Variants in DHRSX observed in about 807,000 individuals in gnomAD.
DHRSX encodes dehydrogenase/reductase X-linked, also known as polyprenol dehydrogenase.
A neutral mutation model predicts 34.0 loss-of-function variants in DHRSX; 31 were observed. The observed-to-expected ratio is 0.91, with a 90% confidence interval of 0.69 to 1.23. The LOEUF (loss-of-function observed/expected upper bound fraction) is 1.23. DHRSX is among the 50% of genes most tolerant of loss of function. The pLI is 0.00. For synonymous variants in DHRSX, 201 were observed against 183.8 expected (o/e 1.09, Z -0.76); for missense variants, 414 against 428.1 (o/e 0.97, Z 0.29).
intron 6 of DHRSX, among the ~76,000 whole-genome samples, chrX:2,235,419 C>G (rs1414027850): frequency 6.7e-6 from 1 of 149,598 alleles, no homozygotes; most frequent in Admixed American, 6.7e-5. Flanking sequence ...ACCTGTACTC[C>G]TTAAATTTAT....
At chrX:2,240,891 C>CT (rs199824301) in intron 6 of DHRSX, among the ~76,000 whole-genome samples, 1,740 of 152,098 alleles carry the variant, frequency 0.011, 33 homozygotes, top group African/African-American at 0.04. Flanking sequence ...TTCAAAAGAC[C>CT]TCAAGGAGGA....
intron 1 of DHRSX, among the ~76,000 whole-genome samples, chrX:2,452,605 C>T (rs1457468589): frequency 6.6e-6 from 1 of 151,800 alleles, no homozygotes; most frequent in Non-Finnish European, 1.5e-5. Context: ...GCCAATGGAC[C>T]GCACTGATGA....
At chrX:2,304,128 G>A (rs866915048) in intron 3 of DHRSX, among the ~76,000 whole-genome samples, 2 of 125,772 alleles carry the variant, frequency 1.6e-5, no homozygotes, top group African/African-American at 2.7e-5. Context: ...TGGATAAATG[G>A]ATGGATGGAT....
intron 3 of DHRSX, among the ~76,000 whole-genome samples, chrX:2,401,007 C>T (rs976626803): frequency 1.3e-5 from 2 of 150,858 alleles, no homozygotes; most frequent in African/African-American, 2.4e-5. Context: ...TTATTGAAAA[C>T]AAACTTGGTC....
chrX:2,445,549 G>A (rs186435711), intron 1 of DHRSX, among the ~76,000 whole-genome samples: 2 of 152,150 alleles, frequency 1.3e-5, no homozygotes, highest in Admixed American at 6.5e-5. Context: ...CCAAGGGACC[G>A]CTGCCGTGGG....
intron 3 of DHRSX, among the ~76,000 whole-genome samples, chrX:2,338,273 C>T (rs1290279531): frequency 1.3e-5 from 2 of 151,636 alleles, no homozygotes; most frequent in South Asian, 2.1e-4. Flanking sequence ...ATGAAGGTTG[C>T]GGCGAGCCGA....
intron 5 of DHRSX, among the ~76,000 whole-genome samples, chrX:2,250,032 G>A (rs760113906): frequency 7.2e-5 from 11 of 151,788 alleles, no homozygotes; most frequent in South Asian, 4.2e-4. Context: ...GAGTGGTGGC[G>A]CATGCCTGTA....
rs1279697985 is a variant in DHRSX at position 2,371,534 on chromosome X, ATAGT to A, written c.286+37207_286+37210del. On this transcript the variant is annotated intron_variant, in intron 3 of 6. Coordinates refer to ENST00000334651, the MANE Select transcript of DHRSX (RefSeq NM_145177.3). ...TTACCACAGCCCCTCCTCCGTTACC[ATAGT>A]CCGTCCTTCTGTTACCATAGTCCCT... 4.7e-4 allele frequency among the ~76,000 whole-genome samples: 36 copies of A among 76,044 alleles called. 1 individual carries two copies. Among genetic ancestry groups the A allele is most frequent in the Non-Finnish European group, 1.6e-3 (34 of 21,554 alleles). The allele number at this position is 76,044 out of a possible 152,430, so 49.9% of individuals were successfully genotyped here.
intron 1 of DHRSX, among the ~76,000 whole-genome samples, chrX:2,467,509 C>T (rs2044514963): frequency 6.6e-6 from 1 of 152,026 alleles, no homozygotes; most frequent in South Asian, 2.1e-4. Flanking sequence ...ACACCAAACA[C>T]CAGAAACAGG....
rs776875245 is a variant in DHRSX, at chrX:2,488,923, G to A, written c.109+11894C>T. ...ACTTCTGCAGCACCTTGGGCAGCAG[G>A]GGGAAGAGGGCCAGGCGGTCTGACC... On this transcript the variant is annotated intron_variant, in intron 1 of 6. Coordinates refer to ENST00000334651, the MANE Select transcript of DHRSX (RefSeq NM_145177.3). 1.9e-6 allele frequency: 3 copies of A among 1,602,116 alleles called. No homozygotes were observed. The Admixed American group carries it at 5.1e-5, about 27-fold the overall frequency.
intron 3 of DHRSX, among the ~76,000 whole-genome samples, chrX:2,401,196 C>T (rs1487580006): frequency 2.6e-5 from 4 of 151,686 alleles, no homozygotes; most frequent in African/African-American, 4.8e-5. Context: ...CGCAAACCTC[C>T]GCCTCCCGGG....
intron 3 of DHRSX, among the ~76,000 whole-genome samples, chrX:2,298,393 T>TTA (rs1556457036): frequency 2.2e-5 from 2 of 91,780 alleles, no homozygotes; most frequent in African/African-American, 8.0e-5. Flanking sequence ...TGGTCTTTTG[T>TTA]TAAAAAAAAA....
At chrX:2,488,841 T>G (rs1228126175) in intron 1 of DHRSX, 4 of 1,613,736 alleles carry the variant, frequency 2.5e-6, no homozygotes, top group Non-Finnish European at 3.4e-6. Context: ...CTGACCACGT[T>G]GGCGGCGGAT....
At chrX:2,282,786 G>GAGAGAGAGA (rs2041736198) in intron 4 of DHRSX, among the ~76,000 whole-genome samples, 2 of 61,596 alleles carry the variant, frequency 3.2e-5, no homozygotes, top group Non-Finnish European at 8.0e-5. Context: ...GGGAGGGGGA[G>GAGAGAGAGA]AGAGAGAAGA....
At chrX:2,341,795 G>GT (rs751707368) in intron 3 of DHRSX, among the ~76,000 whole-genome samples, 3 of 24,336 alleles carry the variant, frequency 1.2e-4, no homozygotes, top group South Asian at 1.6e-3. Context: ...TGATTTAGAA[G>GT]TTTTTTTGTT....
At chrX:2,282,754 GA>G (rs1424494144) in intron 4 of DHRSX, among the ~76,000 whole-genome samples, 2 of 134,912 alleles carry the variant, frequency 1.5e-5, no homozygotes, top group African/African-American at 5.6e-5. Context: ...GGGAGAGAGA[GA>G]AGAGGGGAGA....
intron 3 of DHRSX, among the ~76,000 whole-genome samples, chrX:2,367,518 G>A (rs1461565501): frequency 6.6e-6 from 1 of 151,556 alleles, no homozygotes; most frequent in Non-Finnish European, 1.5e-5. Context: ...CTTCATTTGG[G>A]AATTGAAAAT....
intron 3 of DHRSX, among the ~76,000 whole-genome samples, chrX:2,323,523 G>C (rs761762253): frequency 6.6e-6 from 1 of 152,244 alleles, no homozygotes; most frequent in African/African-American, 2.4e-5. Context: ...AGCACTTTAA[G>C]AGGCCCAGGT....
At chrX:2,393,113 AT>A (rs2043355484) in intron 3 of DHRSX, among the ~76,000 whole-genome samples, 1 of 147,450 alleles carries the variant, frequency 6.8e-6, no homozygotes, top group Non-Finnish European at 1.5e-5. Context: ...ATCATATATA[AT>A]AATACATTAT....
Sources: gnomAD v4.1 joint callset for allele counts (sites outside exome capture counted in the v4.1 genomes callset) on GRCh38, gnomAD v4.1.1 for gene constraint, MANE v1.5 for transcripts, NCBI Gene and HGNC (gene_info 2026-07-23, HGNC 2026-07-21) for gene names.